The following CTNNA1 variants were observed in gnomAD, a reference collection of about 807,000 sequenced individuals.
CTNNA1 encodes catenin alpha-1.
In CTNNA1, 37 loss-of-function variants were observed where a neutral mutation model predicts 98.4. That is an observed-to-expected ratio of 0.38 (90% CI 0.29 to 0.49). The LOEUF (loss-of-function observed/expected upper bound fraction) is 0.49. Ranked by LOEUF, CTNNA1 falls within the 20% of genes least tolerant of loss-of-function variation. The pLI, the probability that CTNNA1 is intolerant of heterozygous loss-of-function variation, is 0.95. For synonymous variants in CTNNA1, 404 were observed against 413.2 expected (o/e 0.98, Z 0.27); for missense variants, 761 against 1,147.2 (o/e 0.66, Z 4.86).
chr5:138,918,656 A>G (rs1465063076), intron 11 of CTNNA1, among the ~76,000 whole-genome samples: 1 of 152,276 alleles, frequency 6.6e-6, no homozygotes, highest in African/African-American at 2.4e-5. Context: ...TTCAGTGTTT[A>G]TCACACAGAG....
rs1751225554 is a variant in CTNNA1, at chr5:138,753,497, C to T, written c.-16C>T. On this transcript the variant is annotated 5_prime_UTR_variant, in exon 1 of 18. Transcript: ENST00000302763. The stretch of plus-strand genomic sequence containing the variant: ...CGGGCCTCTGGAATTTAGCGCTCGC[C>T]CAGCTAGCCGCAGGTAACTTCGTAC... 7 of 379,294 alleles carry T rather than the reference C, an allele frequency of 1.8e-5. No homozygotes were observed. Among genetic ancestry groups the T allele is most frequent in the Non-Finnish European group, 2.8e-5 (6 of 213,510 alleles). 23.5% of individuals were successfully genotyped at this position (379,294 alleles called of 1,614,324 possible). A position where few individuals can be genotyped will look rare whatever the true frequency, so the allele number is the denominator to read the frequency against.
At position 138,873,713 on chromosome 5, in the gene CTNNA1, A is replaced by C. The variant is rs1355822677; in HGVS notation, c.1063-12499A>C. 1 of 1,614,044 alleles carries C rather than the reference A, an allele frequency of 6.2e-7. No homozygotes were observed. Among genetic ancestry groups the C allele is most frequent in the Admixed American group, 1.7e-5 (1 of 60,030 alleles). ...GCTGTTTAACTTGTTGTTATCCATGAGGAGTATTTTAAGATTGGGCATCGT... is the reference window on the plus strand; with the variant it reads ...GCTGTTTAACTTGTTGTTATCCATGCGGAGTATTTTAAGATTGGGCATCGT... On this transcript the variant is annotated intron_variant, in intron 7 of 17. Transcript: ENST00000302763. The surrounding 1 kb of genome is among the most constrained non-coding windows in gnomAD (Gnocchi z 6.1).
In CTNNA1 at chr5:138,846,089, G is replaced by GCTAATTTTCATACTTTTAGAGACAGGGT. The variant is rs1267652049; in HGVS notation, c.1062+18400_1062+18427dup. On this transcript the variant is annotated intron_variant, in intron 7 of 17. Transcript: ENST00000302763. ...TTACAAGCGCCCACCACCACGCCCG[G>GCTAATTTTCATACTTTTAGAGACAGGGT]CTAATTTTCATACTTTTAGAGACAG... Among the ~76,000 whole-genome samples, 5 of 152,220 alleles carry GCTAATTTTCATACTTTTAGAGACAGGGT rather than the reference G, an allele frequency of 3.3e-5. No homozygotes were observed. The East Asian group carries it at 9.6e-4, about 29-fold the overall frequency.
rs796871078 is a variant in CTNNA1, at chr5:138,894,283, T to C, written c.1296+6641T>C. 7.2e-4 allele frequency among the ~76,000 whole-genome samples: 104 copies of C among 144,160 alleles called. 1 individual carries two copies. The highest frequency in any genetic ancestry group is 2.4e-3 in the African/African-American group (97 of 39,692). 94.6% of individuals were successfully genotyped at this position (144,160 alleles called of 152,430 possible). ...ATAGAGCCTTTACTTTTCTTTCTCTTTTTTTTTTTTTTTTTTGAGACAAGG... is the reference window on the plus strand; with the variant it reads ...ATAGAGCCTTTACTTTTCTTTCTCTCTTTTTTTTTTTTTTTTGAGACAAGG... On this transcript the variant is annotated intron_variant, in intron 9 of 17. Transcript: ENST00000302763.
At chr5:138,807,068 T>C (rs1758159595) in intron 3 of CTNNA1, among the ~76,000 whole-genome samples, 1 of 148,974 alleles carries the variant, frequency 6.7e-6, no homozygotes, top group Admixed American at 6.8e-5. Context: ...TGGAGTGCAG[T>C]GGCGCAATCT....
chr5:138,882,640 A>G (rs1226854361), intron 7 of CTNNA1, among the ~76,000 whole-genome samples: 1 of 152,198 alleles, frequency 6.6e-6, no homozygotes, highest in Non-Finnish European at 1.5e-5. Context: ...CAATGCCAGG[A>G]ACATATTTCA....
intron 6 of CTNNA1, 116 bp downstream of exon 6, chr5:138,824,915 T>C (rs1212907593): frequency 5.5e-6 from 5 of 917,410 alleles, no homozygotes; most frequent in South Asian, 3.3e-5. Flanking sequence ...CTTAGATCTT[T>C]AATCTAAGTC....
intron 9 of CTNNA1, among the ~76,000 whole-genome samples, chr5:138,899,763 G>A (rs940458522): frequency 2.6e-5 from 4 of 152,104 alleles, no homozygotes; most frequent in Non-Finnish European, 5.9e-5. Context: ...CTCTTTTCTA[G>A]CCTCTGACAA....
chr5:138,779,895 T>A (rs1489000567), intron 1 of CTNNA1, among the ~76,000 whole-genome samples: 1 of 151,994 alleles, frequency 6.6e-6, no homozygotes, highest in Non-Finnish European at 1.5e-5. Context: ...TTTGTAGTTT[T>A]AATAGAGACG....
intron 1 of CTNNA1, among the ~76,000 whole-genome samples, chr5:138,757,506 G>A (rs1751800801): frequency 1.3e-5 from 2 of 152,096 alleles, no homozygotes; most frequent in Admixed American, 1.3e-4. Flanking sequence ...GGGGGCCTAG[G>A]GTAAAGTTGC....
intron 7 of CTNNA1, among the ~76,000 whole-genome samples, chr5:138,847,114 T>A (rs137923971): frequency 4.7e-4 from 72 of 152,186 alleles, no homozygotes; most frequent in African/African-American, 1.7e-3. Flanking sequence ...TTGAAGGAAT[T>A]GCAAAAAAAG....
At position 138,873,855 on chromosome 5, in the gene CTNNA1, A is replaced by G; in HGVS notation, c.1063-12357A>G. 4 of 1,614,040 alleles carry G rather than the reference A, an allele frequency of 2.5e-6. No individual in the cohort carries two copies. Among genetic ancestry groups the G allele is most frequent in the Non-Finnish European group, 3.4e-6 (4 of 1,179,888 alleles). The stretch of plus-strand genomic sequence containing the variant: ...AAGTTGCTGATTTTGTTCCATTGTA[A>G]GAAGAGCGTGTGCAGACTGCTTAGC... On this transcript the variant is annotated intron_variant, in intron 7 of 17. Transcript: ENST00000302763. This position sits in a 1 kb window ranked among gnomAD's most constrained non-coding sequence, Gnocchi z 6.1.
chr5:138,825,482 G>GTTTTTTTTTTTTTTTTTTTTTTTTTTT lies in CTNNA1; in HGVS notation c.858+699_858+700insTTTTTTTTTTTTTTTTTTTTTTTTTTT, dbSNP rs756586452. On this transcript the variant is annotated intron_variant, in intron 6 of 17. Transcript: ENST00000302763. ...CTTCCAGTAGATGGCAGCAGTATAAGTTTTTTTTTTTTTTTTAGGGCTTTA... is the reference window on the plus strand; with the variant it reads ...CTTCCAGTAGATGGCAGCAGTATAAGTTTTTTTTTTTTTTTTTTTTTTTTTTTTTTTTTTTTTTTTTTTAGGGCTTTA... Among the ~76,000 whole-genome samples the GTTTTTTTTTTTTTTTTTTTTTTTTTTT allele has an allele frequency of 1.8e-4, 13 of 74,112 alleles. 4 individuals are homozygous for GTTTTTTTTTTTTTTTTTTTTTTTTTTT. The highest frequency in any genetic ancestry group is 2.3e-4 in the African/African-American group (4 of 17,294). The allele number at this position is 74,112 out of a possible 152,430, so 48.6% of individuals were successfully genotyped here. A position where few individuals can be genotyped will look rare whatever the true frequency, so the allele number is the denominator to read the frequency against.
intron 10 of CTNNA1, among the ~76,000 whole-genome samples, chr5:138,913,887 G>T (rs62381204): frequency 0.077 from 11,637 of 152,062 alleles, 580 homozygotes; most frequent in Non-Finnish European, 0.1. Context: ...GGGTCTCATG[G>T]TTACTCAGGC....
intron 11 of CTNNA1, among the ~76,000 whole-genome samples, chr5:138,920,489 GT>G (rs1762705156): frequency 6.6e-6 from 1 of 152,220 alleles, no homozygotes; most frequent in Admixed American, 6.5e-5. Flanking sequence ...AGATGGGCTT[GT>G]TTTTGAGTAG....
intron 10 of CTNNA1, among the ~76,000 whole-genome samples, chr5:138,908,674 T>C (rs534510661): frequency 6.6e-6 from 1 of 152,224 alleles, no homozygotes; most frequent in African/African-American, 2.4e-5. Context: ...ACCCCTTCTC[T>C]AAATATAACA....
At chr5:138,792,722 C>CG (rs1358611704) in intron 3 of CTNNA1, among the ~76,000 whole-genome samples, 1 of 152,142 alleles carries the variant, frequency 6.6e-6, no homozygotes, top group African/African-American at 2.4e-5. Context: ...AGAAAAATGA[C>CG]AAGTGTTCCT....
At chr5:138,818,786 A>T (rs957348962) in intron 5 of CTNNA1, among the ~76,000 whole-genome samples, 1 of 152,112 alleles carries the variant, frequency 6.6e-6, no homozygotes, top group Non-Finnish European at 1.5e-5. Context: ...TGTGTCAGGT[A>T]TGACACAGTG....
chr5:138,847,521 C>G (rs1762832824), intron 7 of CTNNA1, among the ~76,000 whole-genome samples: 1 of 152,172 alleles, frequency 6.6e-6, no homozygotes, highest in Non-Finnish European at 1.5e-5. Context: ...CCCCTGTCCA[C>G]TTTTTATTGT....
Sources: gnomAD v4.1 joint callset for allele counts (sites outside exome capture counted in the v4.1 genomes callset) on GRCh38, gnomAD v4.1.1 for gene constraint, Gnocchi (gnomAD v3.1) non-coding constraint, MANE v1.5 for transcripts, NCBI Gene and HGNC (gene_info 2026-07-23, HGNC 2026-07-21) for gene names.